The following ZZEF1 variants were observed in gnomAD, a reference collection of about 807,000 sequenced individuals.
The protein encoded by ZZEF1 is zinc finger ZZ-type and EF-hand domain-containing protein 1.
Under a neutral mutation model 342.8 loss-of-function variants are expected in ZZEF1, and 157 were observed. That is an observed-to-expected ratio of 0.46 (90% CI 0.40 to 0.52). The LOEUF is 0.52. Among genes scored for constraint, ZZEF1 ranks in the 20% least tolerant of loss-of-function variants. ZZEF1 has a pLI of 0.00. For missense variants in ZZEF1, 3,480 were observed against 3,725.6 expected (o/e 0.93, Z 1.72); for synonymous variants, 1,505 against 1,429.1 (o/e 1.05, Z -1.20).
At chr17:4,092,172 G>C (rs752800967) in intron 11 of ZZEF1, among the ~76,000 whole-genome samples, 9 of 151,746 alleles carry the variant, frequency 5.9e-5, no homozygotes, top group Non-Finnish European at 1.2e-4. Flanking sequence ...ACACTATTCA[G>C]TCTGTGATAT....
chr17:4,102,509 C>A, intron 8 of ZZEF1, 94 bp from the exon 9 acceptor site: 1 of 1,047,762 alleles, frequency 9.5e-7, no homozygotes, highest in Non-Finnish European at 1.4e-6. Context: ...CTGTGGCTAC[C>A]CAGACTGCTA....
At position 4,051,921 on chromosome 17, in the gene ZZEF1, A is replaced by G. The variant is rs2057055943; in HGVS notation, c.5600+50T>C. 5.2e-6 allele frequency: 8 copies of G among 1,549,830 alleles called. No individual in the cohort carries two copies. The East Asian group carries it at 1.8e-4, about 35-fold the overall frequency. On this transcript the variant is annotated intron_variant, in intron 35 of 54. Transcript: ENST00000381638. ...AAAGAAAGAAGTCCCTTTTCAAGTG[A>G]AGGAACGTGTAAATAAAAGGCTTGG...
chr17:4,060,568 A>ACAT (rs2057263829), intron 30 of ZZEF1, among the ~76,000 whole-genome samples: 1 of 150,684 alleles, frequency 6.6e-6, no homozygotes, highest in African/African-American at 2.5e-5. Context: ...AAAACAAACA[A>ACAT]CAACAACAAC....
At chr17:4,140,695 A>G (rs1417146591) in intron 1 of ZZEF1, among the ~76,000 whole-genome samples, 5 of 152,142 alleles carry the variant, frequency 3.3e-5, no homozygotes, top group Admixed American at 3.3e-4. Flanking sequence ...ACTCTACATA[A>G]AGTTCTATTT....
chr17:4,006,993 C>G (rs768294712), intron 54 of ZZEF1, 23 bp from the exon 55 acceptor site: 1 of 1,558,362 alleles, frequency 6.4e-7, no homozygotes, highest in African/African-American at 1.4e-5. Context: ...AAAGAGTTGT[C>G]GCCAATGTCG....
chr17:4,100,797 T>C (rs1344803924), intron 9 of ZZEF1, among the ~76,000 whole-genome samples: 1 of 152,148 alleles, frequency 6.6e-6, no homozygotes, highest in African/African-American at 2.4e-5. Context: ...ATCATACCAC[T>C]GCACTCCAGC....
chr17:4,142,444 C>CCA (rs2058874809), intron 1 of ZZEF1, 98 bp downstream of exon 1: 1 of 1,290,296 alleles, frequency 7.8e-7, no homozygotes. Flanking sequence ...TCATATGGGT[C>CCA]CCCGCCTGGC....
rs2057587036 is a variant in ZZEF1, at chr17:4,075,197, T to C, written c.3402-19A>G. 1.2e-6 allele frequency: 2 copies of C among 1,614,016 alleles called. No individual in the cohort carries two copies. Among genetic ancestry groups the C allele is most frequent in the Non-Finnish European group, 1.7e-6 (2 of 1,179,856 alleles). On this transcript the variant is annotated intron_variant, in intron 22 of 54. Transcript: ENST00000381638. The stretch of plus-strand genomic sequence containing the variant: ...ATCATACCTGTGAAGGCATAACCTC[T>C]ATTAGCTTCCTTCTCTCATTGCTGA...
intron 35 of ZZEF1, 69 bp from the exon 36 acceptor site, chr17:4,051,112 A>G (rs2057036959): frequency 6.2e-7 from 1 of 1,609,346 alleles, no homozygotes; most frequent in Non-Finnish European, 8.5e-7. Context: ...ACAGGAGCAC[A>G]GGGCCTTAGG....
chr17:4,141,042 G>C (rs1724075074), intron 1 of ZZEF1, among the ~76,000 whole-genome samples: 1 of 152,000 alleles, frequency 6.6e-6, no homozygotes, highest in African/African-American at 2.4e-5. Flanking sequence ...CCAAGTAGCT[G>C]GGATTACAGG....
intron 52 of ZZEF1, among the ~76,000 whole-genome samples, chr17:4,010,066 G>A (rs2055905832): frequency 6.6e-6 from 1 of 152,182 alleles, no homozygotes; most frequent in African/African-American, 2.4e-5. Context: ...GCTCACACCT[G>A]TAATCCCAGC....
intron 42 of ZZEF1, among the ~76,000 whole-genome samples, chr17:4,026,761 C>T (rs1304477525): frequency 1.3e-5 from 2 of 152,024 alleles, no homozygotes. Context: ...CTCAGGTTAT[C>T]GGCCTGCCTC....
At chr17:4,088,618 C>T (rs2057885326) in intron 13 of ZZEF1, 60 bp downstream of exon 13, 2 of 1,567,662 alleles carry the variant, frequency 1.3e-6, no homozygotes, top group Admixed American at 1.8e-5. Flanking sequence ...GTTCATTTCT[C>T]TGAATACTGT....
At chr17:4,131,673 G>A (rs963355691) in intron 1 of ZZEF1, among the ~76,000 whole-genome samples, 7 of 151,986 alleles carry the variant, frequency 4.6e-5, no homozygotes, top group African/African-American at 9.7e-5. Context: ...CCAGCTAGTC[G>A]AGAGGCTGAG....
chr17:4,018,064 G>A, intron 46 of ZZEF1, 93 bp from the exon 47 acceptor site: 1 of 1,511,802 alleles, frequency 6.6e-7, no homozygotes, highest in Non-Finnish European at 9.0e-7. Flanking sequence ...CTTCAGAGTT[G>A]TTCTTCTGTT....
rs773779305 is a variant in ZZEF1, at chr17:4,008,633, T to C, written c.8805+250A>G. ...AATCAGCCAAACTAAATTTAAGGCA[T>C]CGGTTGTTTTGGTTTTAAAGACACA... is the stretch of plus-strand genomic sequence containing the variant. On this transcript the variant is annotated intron_variant, in intron 54 of 54. Transcript: ENST00000381638. This position sits in a 1 kb window ranked among gnomAD's most constrained non-coding sequence, Gnocchi z 4.2. The C allele has an allele frequency of 8.3e-6, 10 of 1,204,652 alleles. No homozygotes were observed. The highest frequency in any genetic ancestry group is 1.0e-5 in the Non-Finnish European group (10 of 968,792). The allele number at this position is 1,204,652 out of a possible 1,614,324, so 74.6% of individuals were successfully genotyped here. A position where few individuals can be genotyped will look rare whatever the true frequency, so the allele number is the denominator to read the frequency against.
chr17:4,091,031 T>C (rs927640173), intron 11 of ZZEF1, among the ~76,000 whole-genome samples: 10 of 152,202 alleles, frequency 6.6e-5, no homozygotes, highest in African/African-American at 2.4e-4. Flanking sequence ...TCTCCTTCTC[T>C]ATGAACTGGG....
intron 34 of ZZEF1, 112 bp downstream of exon 34, chr17:4,053,945 C>A: frequency 1.6e-6 from 2 of 1,223,116 alleles, no homozygotes; most frequent in Non-Finnish European, 2.2e-6. Flanking sequence ...GAGAAAATAC[C>A]ACTGGGCAGT....
intron 5 of ZZEF1, among the ~76,000 whole-genome samples, chr17:4,110,852 T>G: frequency 6.6e-6 from 1 of 151,964 alleles, no homozygotes; most frequent in Non-Finnish European, 1.5e-5. Flanking sequence ...GTAGCTGGGA[T>G]TACAGGCATG....
Sources: gnomAD v4.1 joint callset for allele counts (sites outside exome capture counted in the v4.1 genomes callset) on GRCh38, gnomAD v4.1.1 for gene constraint, Gnocchi (gnomAD v3.1) non-coding constraint, MANE v1.5 for transcripts, NCBI Gene and HGNC (gene_info 2026-07-23, HGNC 2026-07-21) for gene names.